SUSD1: variants seen among roughly 807,000 people sequenced by gnomAD.
SUSD1 encodes the protein sushi domain containing 1, also known as sushi domain-containing protein 1.
In SUSD1, 65 loss-of-function variants were observed where a neutral mutation model predicts 86.9. The observed-to-expected ratio is 0.75, with a 90% CI of 0.61 to 0.92. The LOEUF is 0.92. Ranked by LOEUF, SUSD1 falls within the 40% of genes least tolerant of loss-of-function variation. The pLI is 0.00. For synonymous variants in SUSD1, 346 were observed against 350.0 expected (o/e 0.99, Z 0.13); for missense variants, 850 against 929.7 (o/e 0.91, Z 1.11).
chr9:112,132,984 C>T (rs1014116924), intron 5 of SUSD1, among the ~76,000 whole-genome samples: 1 of 152,116 alleles, frequency 6.6e-6, no homozygotes, highest in Admixed American at 6.5e-5. Flanking sequence ...TGTTATACAG[C>T]AGAAAGAACA....
chr9:112,116,304 A>G (rs1831323019), intron 6 of SUSD1, among the ~76,000 whole-genome samples: 1 of 152,204 alleles, frequency 6.6e-6, no homozygotes, highest in Non-Finnish European at 1.5e-5. Context: ...TAGGGGTGTC[A>G]GATATTTCAT....
At chr9:112,042,266 G>C (rs780157496) in intron 15 of SUSD1, 48 of 1,034,432 alleles carry the variant, frequency 4.6e-5, no homozygotes, top group Non-Finnish European at 6.4e-5. Context: ...TACATTTTTT[G>C]TTGGTCCTCT....
At chr9:112,155,144 G>C (rs377659230) in intron 2 of SUSD1, among the ~76,000 whole-genome samples, 3 of 151,758 alleles carry the variant, frequency 2.0e-5, no homozygotes, top group Admixed American at 6.6e-5. Flanking sequence ...CTAGCTACTC[G>C]GGAGGCTGAG....
chr9:112,163,510 T>C (rs987914326), intron 1 of SUSD1, among the ~76,000 whole-genome samples: 1 of 149,764 alleles, frequency 6.7e-6, no homozygotes. Flanking sequence ...TGGTGGTGCA[T>C]AGCTGTAATC....
At chr9:112,093,385 C>A (rs1209375873) in intron 10 of SUSD1, among the ~76,000 whole-genome samples, 1 of 152,208 alleles carries the variant, frequency 6.6e-6, no homozygotes, top group African/African-American at 2.4e-5. Context: ...TATCTCCGGT[C>A]TCCAAGAGGT....
chr9:112,140,833 C>CTG (rs1404015081), intron 5 of SUSD1, among the ~76,000 whole-genome samples: 1 of 152,164 alleles, frequency 6.6e-6, no homozygotes, highest in Non-Finnish European at 1.5e-5. Flanking sequence ...ATAGTAGAGC[C>CTG]TGCTACTCAC....
At chr9:112,161,630 C>G (rs954916807) in intron 1 of SUSD1, among the ~76,000 whole-genome samples, 1 of 151,990 alleles carries the variant, frequency 6.6e-6, no homozygotes. Context: ...TGAGACCAGC[C>G]TGGTCAACAT....
At chr9:112,115,814 A>AAAAAAAAAG (rs1554766262) in intron 6 of SUSD1, among the ~76,000 whole-genome samples, 199 of 19,236 alleles carry the variant, frequency 0.01, 1 homozygote, top group Non-Finnish European at 0.014. Context: ...ATTGCAAAAA[A>AAAAAAAAAG]AAAAAAAAAG....
In SUSD1 at chr9:112,124,366, G is replaced by A. The variant is rs768080382; in HGVS notation, c.777C>T (p.Gly259=). The A allele has an allele frequency of 6.2e-6, 10 of 1,614,124 alleles. No individual in the cohort carries two copies. The highest frequency in any genetic ancestry group is 3.3e-5 in the South Asian group (3 of 91,082). The change falls in exon 6 of 17, where the codon GGC becomes GGT. Residue 259 remains glycine, a synonymous_variant. Transcript: ENST00000374270. Reference sequence around the variant, plus strand: ...CTTGACAGACATAGCGAGCCACACCGCCCAGCCTGGAGCTGTGATTTCCTA... The same window carrying A: ...CTTGACAGACATAGCGAGCCACACCACCCAGCCTGGAGCTGTGATTTCCTA... ...ILVGNHSSRL[G]GVARYVCQEG...
intron 15 of SUSD1, among the ~76,000 whole-genome samples, chr9:112,042,697 A>G (rs1464046266): frequency 6.6e-6 from 1 of 152,184 alleles, no homozygotes; most frequent in Non-Finnish European, 1.5e-5. Context: ...TGTGCCAGAC[A>G]CTGTTCCAAG....
At chr9:112,042,674 T>G (rs1456924465) in intron 15 of SUSD1, among the ~76,000 whole-genome samples, 1 of 152,214 alleles carries the variant, frequency 6.6e-6, no homozygotes, top group Non-Finnish European at 1.5e-5. Flanking sequence ...AAACACTTAC[T>G]TAGCACTTAC....
intron 15 of SUSD1, among the ~76,000 whole-genome samples, chr9:112,051,093 C>G (rs1828170120): frequency 6.6e-6 from 1 of 152,306 alleles, no homozygotes; most frequent in East Asian, 1.9e-4. Flanking sequence ...GCTACAGGGC[C>G]CCCTGACCAC....
At chr9:112,121,642 C>A (rs1336411961) in intron 6 of SUSD1, among the ~76,000 whole-genome samples, 5 of 152,168 alleles carry the variant, frequency 3.3e-5, no homozygotes, top group Admixed American at 6.5e-5. Flanking sequence ...TTTGCTCTGG[C>A]CAGAATTTCC....
chr9:112,134,482 T>C (rs1832171165), intron 5 of SUSD1, among the ~76,000 whole-genome samples: 1 of 152,036 alleles, frequency 6.6e-6, no homozygotes, highest in Admixed American at 6.5e-5. Flanking sequence ...AATTCTAATA[T>C]CCTAAGCATA....
Position 112,041,229 on chromosome 9 carries a change from A to G in SUSD1, c.*263T>C, listed in dbSNP as rs1248506094. ...GCCTTCGGTCAATATCACAGTGTAC[A>G]TCAGGAGTCTCAAGTTCATTGCACA... On this transcript the variant is annotated 3_prime_UTR_variant, in exon 17 of 17. Transcript: ENST00000374270. 1 of 599,106 alleles carries G rather than the reference A, an allele frequency of 1.7e-6. No homozygotes were observed. Among genetic ancestry groups the G allele is most frequent in the African/African-American group, 1.9e-5 (1 of 53,852 alleles). 37.1% of individuals were successfully genotyped at this position (599,106 alleles called of 1,614,324 possible). A position where few individuals can be genotyped will look rare whatever the true frequency, so the allele number is the denominator to read the frequency against.
chr9:112,046,895 T>C (rs567981942), intron 15 of SUSD1, among the ~76,000 whole-genome samples: 2 of 152,308 alleles, frequency 1.3e-5, no homozygotes, highest in South Asian at 2.1e-4. Context: ...AGCAACACTG[T>C]TATATTCCAT....
At chr9:112,075,626 T>C (rs1168246220) in intron 12 of SUSD1, among the ~76,000 whole-genome samples, 1 of 152,080 alleles carries the variant, frequency 6.6e-6, no homozygotes, top group Non-Finnish European at 1.5e-5. Context: ...GCGCCTATAG[T>C]CCCAGCTACT....
chr9:112,106,607 C>T (rs1224446113), intron 8 of SUSD1, among the ~76,000 whole-genome samples: 2 of 151,650 alleles, frequency 1.3e-5, no homozygotes, highest in South Asian at 2.1e-4. Flanking sequence ...GTTAAATCAT[C>T]GCTACCAAGG....
intron 7 of SUSD1, among the ~76,000 whole-genome samples, chr9:112,112,308 C>T (rs962362738): frequency 2.6e-5 from 4 of 152,150 alleles, no homozygotes; most frequent in Non-Finnish European, 5.9e-5. Flanking sequence ...AAAATTCCAT[C>T]CACTCTTTTT....
Sources: allele counts gnomAD v4.1 joint callset (sites outside exome capture counted in the v4.1 genomes callset), GRCh38; gene constraint gnomAD v4.1.1; transcripts MANE v1.5; gene names NCBI Gene and HGNC (gene_info 2026-07-23, HGNC 2026-07-21).